CBLB: variants seen among roughly 807,000 people sequenced by gnomAD.
CBLB encodes Cbl proto-oncogene B, also known as E3 ubiquitin-protein ligase CBL-B.
CBLB carries 31 observed loss-of-function variants against 104.9 expected under a neutral mutation model. That is an observed-to-expected ratio of 0.30 (90% CI 0.22 to 0.40). The LOEUF (loss-of-function observed/expected upper bound fraction) is 0.40, where lower values mean the gene tolerates loss of function less well. CBLB is among the 10% of genes least tolerant of loss of function. CBLB has a pLI of 1.00. For synonymous variants in CBLB, 440 were observed against 422.6 expected (o/e 1.04, Z -0.51); for missense variants, 1,062 against 1,214.6 (o/e 0.87, Z 1.87).
chr3:105,747,745 G>A (rs1241839667), intron 5 of CBLB, among the ~76,000 whole-genome samples: 1 of 152,060 alleles, frequency 6.6e-6, no homozygotes, highest in Non-Finnish European at 1.5e-5. Flanking sequence ...TGAAGGACAA[G>A]GATGAAAGAA....
intron 2 of CBLB, among the ~76,000 whole-genome samples, chr3:105,858,744 T>C (rs1019345555): frequency 2.6e-5 from 4 of 152,198 alleles, no homozygotes; most frequent in African/African-American, 4.8e-5. Flanking sequence ...CGTGTCAATA[T>C]TGAAATACAG....
At chr3:105,740,685 T>C in intron 6 of CBLB, 54 bp from the exon 7 acceptor site, 1 of 1,465,622 alleles carries the variant, frequency 6.8e-7, no homozygotes, top group Non-Finnish European at 9.5e-7. Flanking sequence ...AAATCAATAC[T>C]AAACAATTTG....
At chr3:105,860,607 A>G (rs2092009088) in intron 2 of CBLB, among the ~76,000 whole-genome samples, 1 of 152,196 alleles carries the variant, frequency 6.6e-6, no homozygotes. Flanking sequence ...AGTGCTATGC[A>G]CTGTGTCCAG....
At chr3:105,793,910 A>G (rs1369722619) in intron 3 of CBLB, among the ~76,000 whole-genome samples, 1 of 152,248 alleles carries the variant, frequency 6.6e-6, no homozygotes, top group Admixed American at 6.5e-5. Context: ...TGGCCTGCTA[A>G]TAACTAGTTA....
chr3:105,829,703 C>CAAAAAAAAAAAAA (rs1553844797), intron 3 of CBLB, among the ~76,000 whole-genome samples: 1 of 60,104 alleles, frequency 1.7e-5, no homozygotes, highest in Non-Finnish European at 3.6e-5. Flanking sequence ...AAAAAAAAAC[C>CAAAAAAAAAAAAA]AAACTGCAGC....
At chr3:105,771,445 TG>T (rs1560169198) in intron 4 of CBLB, among the ~76,000 whole-genome samples, 1 of 152,116 alleles carries the variant, frequency 6.6e-6, no homozygotes, top group Non-Finnish European at 1.5e-5. Context: ...GGCAAAAAGT[TG>T]AAAGCATTCC....
chr3:105,802,023 A>G (rs2082936738), intron 3 of CBLB, among the ~76,000 whole-genome samples: 1 of 152,212 alleles, frequency 6.6e-6, no homozygotes, highest in Non-Finnish European at 1.5e-5. Context: ...TGATAAAAAC[A>G]TCAATTAGCC....
chr3:105,811,866 G>T (rs560857139), intron 3 of CBLB, among the ~76,000 whole-genome samples: 2 of 152,064 alleles, frequency 1.3e-5, no homozygotes, highest in Non-Finnish European at 2.9e-5. Flanking sequence ...CCTGCCACTG[G>T]CTAATTTTTG....
At chr3:105,847,014 A>C (rs1278482127) in intron 3 of CBLB, among the ~76,000 whole-genome samples, 1 of 152,126 alleles carries the variant, frequency 6.6e-6, no homozygotes, top group Non-Finnish European at 1.5e-5. Context: ...ATACAGTAAC[A>C]TAAGGAAAGA....
At chr3:105,697,037 G>A (rs2068478352) in intron 12 of CBLB, among the ~76,000 whole-genome samples, 2 of 151,648 alleles carry the variant, frequency 1.3e-5, no homozygotes, top group South Asian at 4.2e-4. Flanking sequence ...TCTTCTTGGG[G>A]ATCCCACACA....
intron 2 of CBLB, among the ~76,000 whole-genome samples, chr3:105,855,138 G>A (rs1488790562): frequency 1.3e-5 from 2 of 152,112 alleles, no homozygotes; most frequent in East Asian, 1.9e-4. Context: ...ACTGAAATAA[G>A]GCAGGCAAAG....
chr3:105,716,375 G>A (rs1388604713), intron 10 of CBLB, among the ~76,000 whole-genome samples: 2 of 152,146 alleles, frequency 1.3e-5, no homozygotes, highest in African/African-American at 4.8e-5. Context: ...AATATTTATT[G>A]AGTGCATTTA....
intron 3 of CBLB, among the ~76,000 whole-genome samples, chr3:105,813,179 T>C (rs1235269635): frequency 3.3e-5 from 5 of 151,974 alleles, no homozygotes; most frequent in Non-Finnish European, 7.4e-5. Context: ...AATAAAATGA[T>C]TAAGAAACAA....
intron 3 of CBLB, among the ~76,000 whole-genome samples, chr3:105,832,973 T>A (rs1315089097): frequency 6.6e-6 from 1 of 152,140 alleles, no homozygotes; most frequent in Non-Finnish European, 1.5e-5. Flanking sequence ...ATTTAAGTTA[T>A]GATACGAAAG....
chr3:105,698,396 G>A (rs906704215), intron 12 of CBLB, among the ~76,000 whole-genome samples: 1 of 151,944 alleles, frequency 6.6e-6, no homozygotes, highest in African/African-American at 2.4e-5. Flanking sequence ...ATGACAGGAC[G>A]AGTAATGAAG....
intron 3 of CBLB, among the ~76,000 whole-genome samples, chr3:105,848,665 C>T (rs1006221284): frequency 8.5e-5 from 13 of 152,082 alleles, no homozygotes; most frequent in African/African-American, 3.1e-4. Context: ...ACTCATCCAG[C>T]ACAATTTCTT....
chr3:105,665,457 A>G (rs2064328799), intron 18 of CBLB, among the ~76,000 whole-genome samples: 1 of 142,968 alleles, frequency 7.0e-6, no homozygotes, highest in Non-Finnish European at 1.5e-5. Context: ...ACACACACAC[A>G]TATATATACA....
chr3:105,819,746 A>G (rs1001774665), intron 3 of CBLB, among the ~76,000 whole-genome samples: 1 of 152,162 alleles, frequency 6.6e-6, no homozygotes, highest in Non-Finnish European at 1.5e-5. Flanking sequence ...AAACCATTCC[A>G]AAACTTCATT....
intron 3 of CBLB, among the ~76,000 whole-genome samples, chr3:105,807,473 G>T (rs1405736149): frequency 6.6e-6 from 1 of 152,148 alleles, no homozygotes; most frequent in Middle Eastern, 3.2e-3. Flanking sequence ...TCTGGTATGT[G>T]TCCAGTGAGC....
Sources: gnomAD v4.1 joint callset for allele counts (sites outside exome capture counted in the v4.1 genomes callset) on GRCh38, gnomAD v4.1.1 for gene constraint, MANE v1.5 for transcripts, NCBI Gene and HGNC (gene_info 2026-07-23, HGNC 2026-07-21) for gene names.